The following PDE3B variants were observed in gnomAD, a reference collection of about 807,000 sequenced individuals.
PDE3B encodes the protein cGMP-inhibited 3',5'-cyclic phosphodiesterase 3B.
A neutral mutation model predicts 116.8 loss-of-function variants in PDE3B; 66 were observed. The observed-to-expected ratio is 0.56, with a 90% CI of 0.46 to 0.69. PDE3B has a LOEUF of 0.69. Among genes scored for constraint, PDE3B ranks in the 30% least tolerant of loss-of-function variants. The pLI, the probability that PDE3B is intolerant of heterozygous loss-of-function variation, is 0.00. For missense variants in PDE3B, 1,384 were observed against 1,368.1 expected, an observed-to-expected ratio of 1.01 and a Z score of -0.18; for synonymous variants, 595 against 533.6, an observed-to-expected ratio of 1.12 and a Z score of -1.59.
At chr11:14,861,460 A>T (rs1218699410) in intron 14 of PDE3B, 94 bp downstream of exon 14, 8 of 1,146,680 alleles carry the variant, frequency 7.0e-6, no homozygotes, top group Non-Finnish European at 1.0e-5. Context: ...AGTGTTTGAA[A>T]TCTGAGTTGC....
the PDE3B span, chr11:14,880,860 A>C: frequency 8.2e-7 from 1 of 1,224,782 alleles, no homozygotes; most frequent in Non-Finnish European, 1.1e-6. Flanking sequence ...ATGGTTAGTC[A>C]TCCTTCTCCA....
At chr11:14,865,560 A>G (rs1848028357) in intron 14 of PDE3B, among the ~76,000 whole-genome samples, 2 of 152,172 alleles carry the variant, frequency 1.3e-5, no homozygotes, top group African/African-American at 4.8e-5. Flanking sequence ...CCAACACAAT[A>G]ATGTATACTC....
chr11:14,736,140 T>C (rs1447853252), intron 1 of PDE3B, among the ~76,000 whole-genome samples: 1 of 152,124 alleles, frequency 6.6e-6, no homozygotes, highest in Non-Finnish European at 1.5e-5. Context: ...CTGGGATTGA[T>C]AGGATGGGCT....
the PDE3B span, chr11:14,892,155 C>CGCGCCGCCGA: frequency 9.9e-6 from 16 of 1,610,930 alleles, no homozygotes; most frequent in East Asian, 8.9e-5. Flanking sequence ...GCAGGAAGAG[C>CGCGCCGCCGA]GCGCCGCCGA....
At chr11:14,729,894 ACT>A (rs1465267065) in intron 1 of PDE3B, among the ~76,000 whole-genome samples, 1 of 152,122 alleles carries the variant, frequency 6.6e-6, no homozygotes, top group Non-Finnish European at 1.5e-5. Context: ...ATAGAAATCA[ACT>A]CTGGATATTT....
In PDE3B at chr11:14,843,702, T is replaced by C; in HGVS notation, c.2321-125T>C. On this transcript the variant is annotated intron_variant, in intron 11 of 15. Coordinates refer to ENST00000282096, the MANE Select transcript of PDE3B (RefSeq NM_000922.4). ...TATACTCTTTTAAGTTCATAGATTT[T>C]AGTTCTTACTTAAATCAGCAAATAA... The C allele has an allele frequency of 4.3e-6, 3 of 700,796 alleles. No individual in the cohort carries two copies. The South Asian group carries it at 5.2e-5, about 12-fold the overall frequency. 43.4% of individuals were successfully genotyped at this position (700,796 alleles called of 1,614,324 possible).
At chr11:14,898,924 T>C in the PDE3B span, among the ~76,000 whole-genome samples, 179 of 152,236 alleles carry the variant, frequency 1.2e-3, 2 homozygotes, top group Admixed American at 2.6e-3. Flanking sequence ...ATATATGTCT[T>C]TGTGGTAATG....
At chr11:14,789,328 C>T (rs537788024) in intron 4 of PDE3B, 86 bp downstream of exon 4, 1 of 1,039,474 alleles carries the variant, frequency 9.6e-7, no homozygotes, top group East Asian at 2.5e-5. Context: ...GTTCTGGAAG[C>T]AGAAAGGAAT....
intron 4 of PDE3B, among the ~76,000 whole-genome samples, chr11:14,799,063 G>T (rs1858658366): frequency 6.6e-6 from 1 of 152,092 alleles, no homozygotes; most frequent in Admixed American, 6.6e-5. Flanking sequence ...TCTCTTATGG[G>T]CATTTAGTCC....
intron 4 of PDE3B, among the ~76,000 whole-genome samples, chr11:14,792,786 C>T (rs760280270): frequency 6.6e-6 from 1 of 152,188 alleles, no homozygotes; most frequent in Non-Finnish European, 1.5e-5. Context: ...AGCAATTTAA[C>T]TGGAATAGAT....
the PDE3B span, among the ~76,000 whole-genome samples, chr11:14,882,987 G>A: frequency 6.6e-6 from 1 of 152,252 alleles, no homozygotes; most frequent in Admixed American, 6.5e-5. Context: ...GGATGTGAAG[G>A]ACCTCTTCAA....
In PDE3B at chr11:14,645,053, G is replaced by T. The variant is rs1272234709; in HGVS notation, c.978G>T (p.Gln326His). The T allele has an allele frequency of 6.3e-7, 1 of 1,585,838 alleles. No homozygotes were observed. Among genetic ancestry groups the T allele is most frequent in the Non-Finnish European group, 8.6e-7 (1 of 1,164,750 alleles). Reference protein sequence around the residue: ...RPSLPCISREQMILWDWDLKQ... With the variant: ...RPSLPCISREHMILWDWDLKQ... ...CGTTGCCTTGTATTTCCAGAGAACA[G>T]GTATGTTAGCTGGAAGGCGAGGTCT... Residue 326 changes from glutamine (Q) to histidine (H), a missense_variant and splice_region_variant, in exon 1 of 16, where the codon CAG (glutamine) becomes CAT (histidine). Gln to His is a conservative substitution (Grantham distance 24). This residue lies in a region of PDE3B where 956 missense variants were observed against 806.8 expected (regional missense o/e 1.18). Coordinates refer to ENST00000282096, the MANE Select transcript of PDE3B (RefSeq NM_000922.4).
chr11:14,898,797 A>G, the PDE3B span, among the ~76,000 whole-genome samples: 4 of 152,186 alleles, frequency 2.6e-5, no homozygotes, highest in Admixed American at 6.5e-5. Context: ...ATCTAATACC[A>G]TTCAACCTGA....
At chr11:14,838,817 A>G (rs1272042331) in intron 11 of PDE3B, among the ~76,000 whole-genome samples, 3 of 152,340 alleles carry the variant, frequency 2.0e-5, no homozygotes, top group African/African-American at 7.2e-5. Flanking sequence ...TTCTGGAGTC[A>G]GTGTATTAGC....
intron 1 of PDE3B, among the ~76,000 whole-genome samples, chr11:14,648,382 C>T (rs1344548982): frequency 6.6e-6 from 1 of 151,922 alleles, no homozygotes; most frequent in Non-Finnish European, 1.5e-5. Context: ...AGTGTGAGAG[C>T]CTAAAAAAGA....
chr11:14,675,653 A>G (rs920831742), intron 1 of PDE3B, among the ~76,000 whole-genome samples: 1 of 152,076 alleles, frequency 6.6e-6, no homozygotes, highest in African/African-American at 2.4e-5. Context: ...CACTTCATAT[A>G]CTGTCCTGTA....
intron 1 of PDE3B, among the ~76,000 whole-genome samples, chr11:14,722,724 C>T (rs1195974058): frequency 1.3e-5 from 2 of 152,144 alleles, no homozygotes; most frequent in African/African-American, 4.8e-5. Context: ...TTGATTATAA[C>T]CTCATGAGAG....
In PDE3B at chr11:14,644,215, T is replaced by G. The variant is rs536799125; in HGVS notation, c.140T>G (p.Phe47Cys). The change falls in exon 1 of 16, where the codon TTC becomes TGC. Residue 47 changes from phenylalanine to cysteine, a missense_variant. Around this residue, in one of 2 missense-constraint regions of PDE3B, gnomAD observed 956 missense variants for 806.8 expected, o/e 1.18. Transcript: ENST00000282096. Reference protein sequence around the residue: ...SPLRQDPPRGFFFHLCRFCNV... With the variant: ...SPLRQDPPRGCFFHLCRFCNV... ...TTGCGGCAGGACCCTCCGCGCGGCT[T>G]CTTCTTCCACCTCTGCCGCTTCTGC... 77 of 1,592,958 alleles carry G rather than the reference T, an allele frequency of 4.8e-5. No individual in the cohort carries two copies. Among genetic ancestry groups the G allele is most frequent in the Non-Finnish European group, 5.1e-5 (60 of 1,176,220 alleles).
chr11:14,849,641 GA>G (rs886404676), intron 12 of PDE3B, among the ~76,000 whole-genome samples: 1 of 151,922 alleles, frequency 6.6e-6, no homozygotes, highest in African/African-American at 2.4e-5. Context: ...AAATTTACAA[GA>G]AAAAAACACA....
Sources: gnomAD v4.1 joint callset for allele counts (sites outside exome capture counted in the v4.1 genomes callset) on GRCh38, gnomAD v4.1.1 for gene constraint, gnomAD v4.1.1 regional missense constraint, MANE v1.5 for transcripts, NCBI Gene and HGNC (gene_info 2026-07-23, HGNC 2026-07-21) for gene names.